The following SOHLH2 variants were observed in gnomAD, a reference collection of about 807,000 sequenced individuals.
SOHLH2 encodes spermatogenesis- and oogenesis-specific basic helix-loop-helix-containing protein 2.
SOHLH2 carries 22 observed loss-of-function variants against 50.4 expected under a neutral mutation model. The observed-to-expected ratio is 0.44, with a 90% CI of 0.31 to 0.62. SOHLH2 has a LOEUF of 0.62. SOHLH2 is among the 20% of genes least tolerant of loss of function. The pLI, the probability that SOHLH2 is intolerant of heterozygous loss-of-function variation, is 0.08. For synonymous variants in SOHLH2, 185 were observed against 187.3 expected (o/e 0.99, Z 0.10); for missense variants, 412 against 504.4 (o/e 0.82, Z 1.76).
chr13:36,174,897 A>C, intron 6 of SOHLH2, 28 bp from the exon 7 acceptor site: 2 of 1,547,204 alleles, frequency 1.3e-6, no homozygotes, highest in Non-Finnish European at 1.7e-6. Flanking sequence ...ATACATAAAG[A>C]ATAATTAGTC....
chr13:36,183,806 T>G (rs1471712817), intron 6 of SOHLH2, among the ~76,000 whole-genome samples: 1 of 152,184 alleles, frequency 6.6e-6, no homozygotes, highest in African/African-American at 2.4e-5. Flanking sequence ...CAGGGAGTAC[T>G]AGCATAGAAA....
chr13:36,181,912 TA>T, intron 6 of SOHLH2: 2 of 590,346 alleles, frequency 3.4e-6, no homozygotes, highest in Non-Finnish European at 4.3e-6. Context: ...GTCTTTATCT[TA>T]CATGAAGATA....
At chr13:36,191,378 A>G (rs1367248106) in intron 5 of SOHLH2, among the ~76,000 whole-genome samples, 1 of 152,196 alleles carries the variant, frequency 6.6e-6, no homozygotes, top group Non-Finnish European at 1.5e-5. Flanking sequence ...TGAGTTCGAG[A>G]AAGACAATGG....
At chr13:36,182,021 A>G (rs747571744) in intron 6 of SOHLH2, 131 of 974,324 alleles carry the variant, frequency 1.3e-4, no homozygotes, top group Non-Finnish European at 1.5e-4. Flanking sequence ...GTAGTTTTCT[A>G]ATTTATTAAT....
At chr13:36,177,938 T>G (rs1887137064) in intron 6 of SOHLH2, among the ~76,000 whole-genome samples, 1 of 151,988 alleles carries the variant, frequency 6.6e-6, no homozygotes, top group Non-Finnish European at 1.5e-5. Flanking sequence ...TTACTCTCTC[T>G]CTCTCATGGT....
intron 8 of SOHLH2, 88 bp from the exon 9 acceptor site, chr13:36,173,898 G>T: frequency 6.8e-7 from 1 of 1,463,154 alleles, no homozygotes. Flanking sequence ...TATCATTCAA[G>T]TTCTAAAAAC....
chr13:36,177,714 T>C (rs1290293120), intron 6 of SOHLH2, among the ~76,000 whole-genome samples: 1 of 152,160 alleles, frequency 6.6e-6, no homozygotes, highest in Non-Finnish European at 1.5e-5. Flanking sequence ...TATAGCTTCC[T>C]TTGTCAAGCG....
intron 6 of SOHLH2, among the ~76,000 whole-genome samples, chr13:36,186,058 C>T (rs1160317554): frequency 6.6e-6 from 1 of 151,868 alleles, no homozygotes; most frequent in Non-Finnish European, 1.5e-5. Flanking sequence ...AACACAGATG[C>T]AAAAATTGTT....
intron 1 of SOHLH2, among the ~76,000 whole-genome samples, chr13:36,203,852 G>T (rs1187937658): frequency 6.6e-6 from 1 of 151,238 alleles, no homozygotes; most frequent in African/African-American, 2.4e-5. Flanking sequence ...CCTATTTGTG[G>T]TTTGTATTTT....
At chr13:36,189,731 T>C (rs1342990555) in intron 6 of SOHLH2, among the ~76,000 whole-genome samples, 1 of 152,218 alleles carries the variant, frequency 6.6e-6, no homozygotes, top group Non-Finnish European at 1.5e-5. Flanking sequence ...GGGACTTACT[T>C]TTTATATCAG....
intron 6 of SOHLH2, among the ~76,000 whole-genome samples, chr13:36,178,601 G>C (rs1000112672): frequency 6.6e-6 from 1 of 152,032 alleles, no homozygotes; most frequent in East Asian, 1.9e-4. Flanking sequence ...GATATTCTAA[G>C]TCCTTTTCAT....
rs1566045304 is a variant in SOHLH2, at chr13:36,202,036, C to T, written c.106G>A (p.Val36Ile). The change falls in exon 2 of 11, where the codon GTA becomes ATA. Residue 36 changes from valine (V) to isoleucine (I), a missense_variant. Physicochemically the swap from Val to Ile is conservative, Grantham distance 29 (BLOSUM62 3). Transcript: ENST00000379881. ...DVTVGYLADT[V>I]QKLFANIAEV... ...GCTATGTTTGCAAATAGTTTCTGTA[C>T]AGTATCAGCCAGGTAGCCCACAGTG... 3.1e-6 allele frequency: 5 copies of T among 1,614,064 alleles called. No individual in the cohort carries two copies. Among genetic ancestry groups the T allele is most frequent in the African/African-American group, 2.7e-5 (2 of 74,934 alleles).
intron 1 of SOHLH2, 143 bp downstream of exon 1, chr13:36,214,336 G>A (rs1869304606): frequency 2.9e-6 from 3 of 1,019,666 alleles, no homozygotes; most frequent in East Asian, 2.9e-5. Context: ...GTCCTGGAAG[G>A]GGCCCTTCCT....
intron 6 of SOHLH2, among the ~76,000 whole-genome samples, chr13:36,184,502 C>T (rs1350112888): frequency 1.8e-5 from 2 of 109,002 alleles, no homozygotes; most frequent in Non-Finnish European, 3.9e-5. Context: ...TGCTCTTGCC[C>T]AGGCTGGAGT....
At chr13:36,188,586 C>A (rs1887491704) in intron 6 of SOHLH2, among the ~76,000 whole-genome samples, 1 of 152,108 alleles carries the variant, frequency 6.6e-6, no homozygotes. Context: ...AGTCAGTTAC[C>A]AGCTCTTAAC....
chr13:36,181,821 C>T (rs757952270), intron 6 of SOHLH2, among the ~76,000 whole-genome samples: 5 of 152,100 alleles, frequency 3.3e-5, no homozygotes, highest in African/African-American at 9.7e-5. Flanking sequence ...ATTTCCCTTC[C>T]GCCTGAAGAA....
At chr13:36,181,801 A>G (rs1330646836) in intron 6 of SOHLH2, among the ~76,000 whole-genome samples, 2 of 152,130 alleles carry the variant, frequency 1.3e-5, no homozygotes, top group African/African-American at 4.8e-5. Context: ...TCGAGTTTCC[A>G]TTTGTTATTA....
Position 36,179,369 on chromosome 13 carries a change from A to G in SOHLH2, c.642-4500T>C, listed in dbSNP as rs149681095. ...TATTTTTTCAGAATTTGTTAATCAC[A>G]TGGTTTTTCTCCTTTATTCTGTTAA... is the stretch of plus-strand genomic sequence containing the variant. On this transcript the variant is annotated intron_variant, in intron 6 of 10. Transcript: ENST00000379881. Among the ~76,000 whole-genome samples, 29 of 152,224 alleles carry G rather than the reference A, an allele frequency of 1.9e-4. No homozygotes were observed. The East Asian group carries it at 2.9e-3, about 15-fold the overall frequency.
At chr13:36,170,838 T>C (rs764169960) in intron 9 of SOHLH2, 51 bp from the exon 10 acceptor site, 49 of 1,579,698 alleles carry the variant, frequency 3.1e-5, no homozygotes, top group Non-Finnish European at 3.9e-5. Context: ...ATTCTGTAAT[T>C]CAGAACGACT....
Sources: allele counts gnomAD v4.1 joint callset (sites outside exome capture counted in the v4.1 genomes callset), GRCh38; gene constraint gnomAD v4.1.1; transcripts MANE v1.5; gene names NCBI Gene and HGNC (gene_info 2026-07-23, HGNC 2026-07-21).